The following ZNF678 variants were observed in gnomAD, a reference collection of about 807,000 sequenced individuals.
The protein encoded by ZNF678 is hypothetical protein MGC42493.
ZNF678 carries 5 observed loss-of-function variants against 3.0 expected under a neutral mutation model. That is an observed-to-expected ratio of 1.69 (90% CI 0.88 to 3.56). The LOEUF is 3.56. Ranked by LOEUF, ZNF678 falls within the 30% of genes most tolerant of loss-of-function variation. The pLI is 0.00. For synonymous variants in ZNF678, 218 were observed against 199.6 expected (o/e 1.09, Z -0.78); for missense variants, 593 against 605.0 (o/e 0.98, Z 0.21).
intron 1 of ZNF678, among the ~76,000 whole-genome samples, chr1:227,567,360 A>G (rs1461944422): frequency 6.6e-6 from 1 of 152,228 alleles, no homozygotes; most frequent in East Asian, 1.9e-4. Context: ...AATAGCCCTG[A>G]CTGGAAAGTA....
chr1:227,642,670 T>G (rs1658851515), intron 1 of ZNF678, among the ~76,000 whole-genome samples: 1 of 151,952 alleles, frequency 6.6e-6, no homozygotes, highest in African/African-American at 2.4e-5. Flanking sequence ...CAGCCTAGGC[T>G]TACTGGAACC....
At chr1:227,622,194 A>G (rs1658297627) in intron 1 of ZNF678, among the ~76,000 whole-genome samples, 2 of 152,212 alleles carry the variant, frequency 1.3e-5, no homozygotes, top group Non-Finnish European at 2.9e-5. Context: ...CTTCATCAAC[A>G]TAACAAGAAC....
At chr1:227,596,400 C>T (rs183261651) in intron 1 of ZNF678, among the ~76,000 whole-genome samples, 1 of 152,324 alleles carries the variant, frequency 6.6e-6, no homozygotes, top group Non-Finnish European at 1.5e-5. Context: ...ATTCCTGTCC[C>T]TTTTAAGGGC....
intron 1 of ZNF678, chr1:227,599,218 T>C: frequency 3.5e-6 from 3 of 862,788 alleles, no homozygotes; most frequent in Non-Finnish European, 5.5e-6. Flanking sequence ...AGGTTTTTGT[T>C]TTTGTTTTTA....
At chr1:227,630,590 G>T (rs957732544) in intron 1 of ZNF678, among the ~76,000 whole-genome samples, 4 of 152,172 alleles carry the variant, frequency 2.6e-5, no homozygotes, top group South Asian at 2.1e-4. Flanking sequence ...GGTTATCTGA[G>T]AATTTACCTG....
intron 1 of ZNF678, among the ~76,000 whole-genome samples, chr1:227,592,873 A>C (rs1316833517): frequency 3.3e-5 from 5 of 152,262 alleles, no homozygotes. Context: ...CAGAGTGCCC[A>C]GTAAAGGTCC....
intron 5 of ZNF678, among the ~76,000 whole-genome samples, chr1:227,674,730 G>GTCC (rs1180227748): frequency 1.3e-5 from 2 of 151,514 alleles, no homozygotes; most frequent in Non-Finnish European, 2.9e-5. Context: ...AGCCTTCCGA[G>GTCC]TAGCTAGGAT....
At chr1:227,592,940 G>T (rs1034063984) in intron 1 of ZNF678, among the ~76,000 whole-genome samples, 1 of 152,226 alleles carries the variant, frequency 6.6e-6, no homozygotes, top group African/African-American at 2.4e-5. Context: ...TGATTCATAA[G>T]CTCTTGAAAA....
intron 1 of ZNF678, among the ~76,000 whole-genome samples, chr1:227,619,428 A>G (rs767519283): frequency 3.6e-4 from 55 of 152,144 alleles, no homozygotes; most frequent in Non-Finnish European, 6.3e-4. Context: ...ACTGTGGGAA[A>G]TGTTGTGGGA....
At position 227,649,081 on chromosome 1, in the gene ZNF678, T is replaced by C. The variant is rs920566085; in HGVS notation, c.-36-1875T>C. On this transcript the variant is annotated intron_variant, in intron 2 of 3. Coordinates refer to ENST00000343776, the MANE Select transcript of ZNF678 (RefSeq NM_001367909.1). ...ACCGAATAATATTTTATTGTGTATG[T>C]AAACCATATTTATCCATTTACTGTC... Among the ~76,000 whole-genome samples, 4 of 151,146 alleles carry C rather than the reference T, an allele frequency of 2.6e-5. No homozygotes were observed. In the Admixed American group the frequency reaches 2.7e-4, roughly 10 times the overall value.
rs144587475 is a variant in ZNF678 at position 227,655,722 on chromosome 1, G to C, written c.1472G>C (p.Cys491Ser). The change falls in exon 4 of 4, where the codon TGT becomes TCT. Residue 491 changes from cysteine (C) to serine (S), a missense_variant. Cys to Ser is a moderately radical substitution (Grantham distance 112, BLOSUM62 -1). Coordinates refer to ENST00000343776, the MANE Select transcript of ZNF678 (RefSeq NM_001367909.1). ...CATACTGGAGAGAAACGCTACAAAT[G>C]TAAAGAATGTGGAAAAGGTTTTTAC... Reference protein sequence around the residue: ...RIHTGEKRYKCKECGKGFYQS... With the variant: ...RIHTGEKRYKSKECGKGFYQS... The C allele has an allele frequency of 6.2e-7, 1 of 1,612,528 alleles. No individual in the cohort carries two copies. Among genetic ancestry groups the C allele is most frequent in the South Asian group, 1.1e-5 (1 of 91,002 alleles).
chr1:227,671,301 A>G (rs536971919), intron 5 of ZNF678, among the ~76,000 whole-genome samples: 3 of 151,518 alleles, frequency 2.0e-5, no homozygotes, highest in Admixed American at 6.6e-5. Flanking sequence ...GCTAGAATCA[A>G]TTTTTCTAAT....
At chr1:227,639,634 G>A (rs1446731422) in intron 1 of ZNF678, among the ~76,000 whole-genome samples, 1 of 152,158 alleles carries the variant, frequency 6.6e-6, no homozygotes, top group Admixed American at 6.5e-5. Context: ...AGTGCTGCAA[G>A]GAGACACACA....
chr1:227,662,829 A>G (rs1252248498), downstream of ZNF678, among the ~76,000 whole-genome samples: 1 of 152,176 alleles, frequency 6.6e-6, no homozygotes, highest in African/African-American at 2.4e-5. Context: ...AGTTTTACCC[A>G]TGCATATTCT....
At chr1:227,571,796 A>C (rs998344208) in intron 1 of ZNF678, among the ~76,000 whole-genome samples, 1 of 152,218 alleles carries the variant, frequency 6.6e-6, no homozygotes, top group African/African-American at 2.4e-5. Flanking sequence ...TAATCCCAGC[A>C]CTTTGAGAGG....
chr1:227,636,644 A>G (rs1370574580), intron 1 of ZNF678, among the ~76,000 whole-genome samples: 1 of 152,078 alleles, frequency 6.6e-6, no homozygotes, highest in Non-Finnish European at 1.5e-5. Context: ...ACCTTTAAGG[A>G]TAGTTTTTTT....
At chr1:227,574,754 T>C (rs1656945601) in intron 1 of ZNF678, among the ~76,000 whole-genome samples, 1 of 152,238 alleles carries the variant, frequency 6.6e-6, no homozygotes, top group African/African-American at 2.4e-5. Flanking sequence ...TCCTGAATGA[T>C]ACTGCCTAGG....
chr1:227,599,491 C>CT (rs56983386), intron 1 of ZNF678, among the ~76,000 whole-genome samples: 4 of 151,858 alleles, frequency 2.6e-5, no homozygotes, highest in African/African-American at 4.8e-5. Flanking sequence ...CTGAGTTATA[C>CT]TTTTTTTTAA....
At chr1:227,600,767 T>C (rs1378903379) in intron 1 of ZNF678, among the ~76,000 whole-genome samples, 1 of 152,238 alleles carries the variant, frequency 6.6e-6, no homozygotes, top group African/African-American at 2.4e-5. Context: ...TCTTTTGCTG[T>C]ACAGAAGCTC....
Sources: allele counts gnomAD v4.1 joint callset (sites outside exome capture counted in the v4.1 genomes callset), GRCh38; gene constraint gnomAD v4.1.1; transcripts MANE v1.5; gene names NCBI Gene and HGNC (gene_info 2026-07-23, HGNC 2026-07-21).